The following SLC16A3 variants were observed in gnomAD, a reference collection of about 807,000 sequenced individuals.
SLC16A3 encodes monocarboxylate transporter 4.
SLC16A3 carries 22 observed loss-of-function variants against 25.0 expected under a neutral mutation model. The observed-to-expected ratio is 0.88, with a 90% CI of 0.63 to 1.26. SLC16A3 has a LOEUF of 1.26. Ranked by LOEUF, SLC16A3 falls within the 50% of genes most tolerant of loss-of-function variation. The pLI is 0.00. For synonymous variants in SLC16A3, 390 were observed against 309.2 expected, an observed-to-expected ratio of 1.26 and a Z score of -2.74; for missense variants, 731 against 666.6, an observed-to-expected ratio of 1.10 and a Z score of -1.06.
At position 82,221,038 on chromosome 17, in the gene SLC16A3, C is replaced by G. The variant is rs148612830; in HGVS notation, c.-27+2854C>G. 8.6e-3 allele frequency among the ~76,000 whole-genome samples: 1,315 copies of G among 152,042 alleles called. 23 individuals are homozygous for G. Among genetic ancestry groups the G allele is most frequent in the African/African-American group, 0.029 (1,186 of 41,466 alleles). ...AGGTTTCTACTGGCCAGGCTGGTCT[C>G]AAACTCCTGGCCTCAAGTGATCTGC... is the stretch of plus-strand genomic sequence containing the variant. On this transcript the variant is annotated intron_variant, in intron 1 of 4. Coordinates refer to the SLC16A3 transcript ENST00000580098.
chr17:82,232,165 C>A (rs1212672676), intron 1 of SLC16A3: 1 of 152,138 alleles, frequency 6.6e-6, no homozygotes, highest in South Asian at 2.1e-4. Flanking sequence ...AACGAATTAC[C>A]CTTTTCCTGC....
upstream of SLC16A3, among the ~76,000 whole-genome samples, chr17:82,227,172 T>G (rs1448361726): frequency 2.0e-5 from 3 of 152,128 alleles, no homozygotes; most frequent in African/African-American, 7.2e-5. Flanking sequence ...CTGGGACCCC[T>G]GGAGGGATGA....
At chr17:82,230,843 G>A (rs571477845) in intron 1 of SLC16A3, 2 of 152,310 alleles carry the variant, frequency 1.3e-5, no homozygotes, top group South Asian at 4.1e-4. Context: ...TCTGTGAAAT[G>A]GGCCACGCCG....
chr17:82,236,903 G>A, intron 3 of SLC16A3, 31 bp downstream of exon 3: 7 of 1,599,472 alleles, frequency 4.4e-6, no homozygotes, highest in South Asian at 1.1e-5. Context: ...GGCCGCACGT[G>A]CCAGGAGGGG....
At chr17:82,236,618 G>A (rs1186009799) in intron 2 of SLC16A3, 111 bp from the exon 3 acceptor site, 3 of 1,466,276 alleles carry the variant, frequency 2.0e-6, no homozygotes, top group Non-Finnish European at 1.8e-6. Flanking sequence ...TGCCCCGCGG[G>A]GGGAGGGGTG....
rs376932431 is a variant in SLC16A3 at position 82,238,836 on chromosome 17, G to A, written c.1258G>A (p.Glu420Lys). The A allele has an allele frequency of 2.5e-6, 4 of 1,612,750 alleles. No individual in the cohort carries two copies. The highest frequency in any genetic ancestry group is 2.5e-6 in the Non-Finnish European group (3 of 1,179,780). Residue 420 changes from glutamate (E) to lysine (K), a missense_variant, in exon 5 of 5, where the codon GAG becomes AAG. By Grantham distance (56) the Glu-to-Lys change is moderately conservative (BLOSUM62 1). Coordinates refer to ENST00000582743, the MANE Select transcript of SLC16A3 (RefSeq NM_004207.4). ...IRKKPKEPQP[E>K]VAAAEEEKLH... is the part of the protein sequence containing the mutation. Reference sequence around the variant, plus strand: ...GAAGAAGCCCAAAGAGCCACAGCCTGAGGTGGCGGCCGCGGAGGAGGAGAA... The same window carrying A: ...GAAGAAGCCCAAAGAGCCACAGCCTAAGGTGGCGGCCGCGGAGGAGGAGAA...
In SLC16A3 at chr17:82,239,880, G is replaced by C. The variant is rs2050716346; in HGVS notation, c.*904G>C. ...CCTGTCCTCCATCCAGCCCGGCCCA[G>C]CGCTTGGGCTTGTCCTGGACACCTA... On this transcript the variant is annotated 3_prime_UTR_variant, in exon 5 of 5. Coordinates refer to ENST00000582743, the MANE Select transcript of SLC16A3 (RefSeq NM_004207.4). The C allele has an allele frequency of 1.4e-6, 1 of 693,986 alleles. No individual in the cohort carries two copies. Among genetic ancestry groups the C allele is most frequent in the Non-Finnish European group, 2.0e-6 (1 of 496,578 alleles). The allele number at this position is 693,986 out of a possible 1,614,324, so 43.0% of individuals were successfully genotyped here. A position where few individuals can be genotyped will look rare whatever the true frequency, so the allele number is the denominator to read the frequency against.
chr17:82,232,551 C>T (rs924420406), intron 1 of SLC16A3, among the ~76,000 whole-genome samples: 1 of 152,210 alleles, frequency 6.6e-6, no homozygotes, highest in African/African-American at 2.4e-5. Flanking sequence ...CCTGGCATGG[C>T]GTTCCAGGCC....
Position 82,240,013 on chromosome 17 carries a change from G to A in SLC16A3, c.*1037G>A, listed in dbSNP as rs529069523. 28 of 1,233,790 alleles carry A rather than the reference G, an allele frequency of 2.3e-5. No homozygotes were observed. The South Asian group carries it at 3.7e-4, about 16-fold the overall frequency. 76.4% of individuals were successfully genotyped at this position (1,233,790 alleles called of 1,614,324 possible). Reference sequence around the variant, plus strand: ...TCGTGGGCGCTGGGGACGGCAGCGGGTGCCCTGGCGGGCCGCGTGCAGCCG... The same window carrying A: ...TCGTGGGCGCTGGGGACGGCAGCGGATGCCCTGGCGGGCCGCGTGCAGCCG... On this transcript the variant is annotated 3_prime_UTR_variant, in exon 5 of 5. Coordinates refer to ENST00000582743, the MANE Select transcript of SLC16A3 (RefSeq NM_004207.4).
chr17:82,237,948 C>G, intron 4 of SLC16A3, 55 bp downstream of exon 4: 1 of 1,562,388 alleles, frequency 6.4e-7, no homozygotes, highest in Non-Finnish European at 8.6e-7. Flanking sequence ...GTCAGACGCC[C>G]GCTTTGCGAG....
intron 1 of SLC16A3, among the ~76,000 whole-genome samples, chr17:82,219,483 C>T (rs1355077323): frequency 1.3e-5 from 2 of 152,106 alleles, no homozygotes; most frequent in African/African-American, 2.4e-5. Context: ...AGCCAGTGGC[C>T]GCCCGTAGGG....
chr17:82,236,416 C>T (rs1044111734), intron 2 of SLC16A3, 185 bp downstream of exon 2: 18 of 656,176 alleles, frequency 2.7e-5, no homozygotes, highest in Admixed American at 2.8e-5. Context: ...CCAGGCAGGG[C>T]GCGAAGTCCA....
intron 1 of SLC16A3, among the ~76,000 whole-genome samples, chr17:82,219,916 C>T (rs930802614): frequency 2.6e-5 from 4 of 152,142 alleles, no homozygotes; most frequent in African/African-American, 9.7e-5. Context: ...CCCCCAGCCC[C>T]CAGCTCAAGA....
At chr17:82,236,293 C>T (rs572622794) in intron 2 of SLC16A3, 62 bp downstream of exon 2, 13 of 1,488,198 alleles carry the variant, frequency 8.7e-6, no homozygotes, top group Admixed American at 5.1e-5. Context: ...CTGCTGGGCG[C>T]GTGTAGCTGG....
At chr17:82,221,446 C>T (rs561675677) in intron 1 of SLC16A3, among the ~76,000 whole-genome samples, 7 of 151,752 alleles carry the variant, frequency 4.6e-5, no homozygotes, top group African/African-American at 1.5e-4. Context: ...GCTTGCCTAT[C>T]GTCCCAGCTA....
At chr17:82,227,197 A>C (rs1322808952), upstream of SLC16A3, among the ~76,000 whole-genome samples, 1 of 152,124 alleles carries the variant, frequency 6.6e-6, no homozygotes. Flanking sequence ...GCGTCTTCCC[A>C]GCTGGGAGAA....
chr17:82,236,889 G>T lies in SLC16A3; in HGVS notation c.367+17G>T, dbSNP rs201201255. 4.4e-4 allele frequency: 704 copies of T among 1,602,328 alleles called. 1 individual carries two copies. Among genetic ancestry groups the T allele is most frequent in the Non-Finnish European group, 5.5e-4 (653 of 1,179,068 alleles). The stretch of plus-strand genomic sequence containing the variant: ...TCATCACGGGTGAGTGGGGCCGGCC[G>T]GTGGGCCGCACGTGCCAGGAGGGGC... On this transcript the variant is annotated intron_variant, in intron 3 of 4. Transcript: ENST00000582743.
At chr17:82,236,962 A>T in intron 3 of SLC16A3, 90 bp downstream of exon 3, 1 of 1,540,402 alleles carries the variant, frequency 6.5e-7, no homozygotes, top group Non-Finnish European at 8.8e-7. Context: ...GGAGGACAGC[A>T]GGGCGGGTGG....
At chr17:82,227,278 C>T (rs137895939), upstream of SLC16A3, among the ~76,000 whole-genome samples, 759 of 152,184 alleles carry the variant, frequency 5.0e-3, 6 homozygotes, top group African/African-American at 0.015. Context: ...CCCAGGCTCT[C>T]TGGCTCTGTC....
Sources: gnomAD v4.1 joint callset for allele counts (sites outside exome capture counted in the v4.1 genomes callset) on GRCh38, gnomAD v4.1.1 for gene constraint, MANE v1.5 for transcripts, NCBI Gene and HGNC (gene_info 2026-07-23, HGNC 2026-07-21) for gene names.